Variants in MDGA2 observed in about 807,000 individuals in gnomAD.
MDGA2 encodes MAM domain-containing glycosylphosphatidylinositol anchor protein 2.
MDGA2 carries 40 observed loss-of-function variants against 117.8 expected under a neutral mutation model. The observed-to-expected ratio is 0.34, with a 90% CI of 0.26 to 0.44. The LOEUF is 0.44. MDGA2 is among the 20% of genes least tolerant of loss of function. The probability of loss-of-function intolerance (pLI) is 1.00; values close to 1 mark genes in which losing one functional copy is unlikely to be tolerated. For synonymous variants in MDGA2, 452 were observed against 439.0 expected (o/e 1.03, Z -0.37); for missense variants, 1,123 against 1,250.6 (o/e 0.90, Z 1.54).
chr14:47,054,295 T>C (rs1378009770), intron 7 of MDGA2, among the ~76,000 whole-genome samples: 4 of 151,960 alleles, frequency 2.6e-5, no homozygotes, highest in Non-Finnish European at 5.9e-5. Flanking sequence ...ACTTCTCAGA[T>C]GTTGTTCCTG....
At chr14:47,262,799 A>T (rs1431459835) in intron 2 of MDGA2, among the ~76,000 whole-genome samples, 1 of 152,210 alleles carries the variant, frequency 6.6e-6, no homozygotes, top group African/African-American at 2.4e-5. Context: ...TTGAAAGCTT[A>T]ATATCATTAT....
intron 6 of MDGA2, among the ~76,000 whole-genome samples, chr14:47,070,281 G>A (rs1307056661): frequency 6.6e-6 from 1 of 151,834 alleles, no homozygotes; most frequent in Admixed American, 6.6e-5. Flanking sequence ...TTTACTATAG[G>A]CCCCTGGTCC....
At chr14:47,211,623 C>T (rs1885887377) in intron 3 of MDGA2, among the ~76,000 whole-genome samples, 1 of 152,074 alleles carries the variant, frequency 6.6e-6, no homozygotes, top group Admixed American at 6.6e-5. Flanking sequence ...ACAAATCTGC[C>T]CTCTTCCCTA....
At chr14:47,356,924 C>T (rs1891007167) in intron 1 of MDGA2, among the ~76,000 whole-genome samples, 1 of 152,128 alleles carries the variant, frequency 6.6e-6, no homozygotes, top group African/African-American at 2.4e-5. Context: ...TAAACAACCC[C>T]CTGCATATTG....
chr14:47,561,188 T>TTTTTTTTTTTTTTTTA (rs1895808746), intron 1 of MDGA2, among the ~76,000 whole-genome samples: 1 of 142,576 alleles, frequency 7.0e-6, no homozygotes, highest in Non-Finnish European at 1.5e-5. Flanking sequence ...TGTTTTTTTT[T>TTTTTTTTTTTTTTTTA]GCTTAGGATT....
intron 1 of MDGA2, among the ~76,000 whole-genome samples, chr14:47,432,226 G>T (rs1892813690): frequency 6.6e-6 from 1 of 151,824 alleles, no homozygotes; most frequent in African/African-American, 2.4e-5. Context: ...AAAAATCTAT[G>T]GCACAAGATA....
chr14:47,556,859 TTTGA>T (rs1895693534), intron 1 of MDGA2, among the ~76,000 whole-genome samples: 1 of 152,228 alleles, frequency 6.6e-6, no homozygotes, highest in Non-Finnish European at 1.5e-5. Context: ...TTATGTGGTG[TTTGA>T]TTATTTGCTA....
chr14:47,330,090 C>T (rs868555960), intron 1 of MDGA2, among the ~76,000 whole-genome samples: 1 of 151,658 alleles, frequency 6.6e-6, no homozygotes, highest in African/African-American at 2.4e-5. Context: ...GGAAGAACTG[C>T]AAAATCACTT....
chr14:47,193,908 T>C (rs1334631477), intron 3 of MDGA2, among the ~76,000 whole-genome samples: 1 of 152,178 alleles, frequency 6.6e-6, no homozygotes, highest in African/African-American at 2.4e-5. Flanking sequence ...TCAATTACTT[T>C]AGTCGTATGG....
At chr14:46,906,853 A>AT (rs1883513259) in intron 10 of MDGA2, among the ~76,000 whole-genome samples, 1 of 152,130 alleles carries the variant, frequency 6.6e-6, no homozygotes, top group Non-Finnish European at 1.5e-5. Context: ...ACCCGGACAA[A>AT]ATGTGCCATT....
At chr14:47,292,900 T>C (rs915670792) in intron 2 of MDGA2, among the ~76,000 whole-genome samples, 11 of 152,202 alleles carry the variant, frequency 7.2e-5, no homozygotes, top group African/African-American at 2.7e-4. Context: ...TAAACCCTTG[T>C]TGATAAACGA....
chr14:47,615,661 C>A (rs545392014), intron 1 of MDGA2, among the ~76,000 whole-genome samples: 1 of 152,270 alleles, frequency 6.6e-6, no homozygotes, highest in East Asian at 1.9e-4. Flanking sequence ...GACACAGTCC[C>A]CCAGATATTC....
At chr14:46,910,864 G>T in intron 10 of MDGA2, among the ~76,000 whole-genome samples, 1 of 152,128 alleles carries the variant, frequency 6.6e-6, no homozygotes, top group African/African-American at 2.4e-5. Context: ...GGAGCTGGAG[G>T]CTATTGTCCT....
intron 1 of MDGA2, among the ~76,000 whole-genome samples, chr14:47,458,340 C>CA (rs1893407132): frequency 6.6e-6 from 1 of 151,996 alleles, no homozygotes; most frequent in East Asian, 1.9e-4. Flanking sequence ...CCATCATATG[C>CA]AAAAAATCAT....
chr14:47,222,862 C>T (rs1886350472), intron 2 of MDGA2, among the ~76,000 whole-genome samples: 1 of 152,036 alleles, frequency 6.6e-6, no homozygotes, highest in African/African-American at 2.4e-5. Context: ...GCTAAGTATC[C>T]AGAAGCCGAT....
At chr14:47,338,262 T>A (rs1012707804) in intron 1 of MDGA2, among the ~76,000 whole-genome samples, 7 of 151,942 alleles carry the variant, frequency 4.6e-5, no homozygotes, top group Non-Finnish European at 7.4e-5. Context: ...AGCTTGTGCA[T>A]GTTTATGGAA....
chr14:47,578,366 T>C (rs772865852), intron 1 of MDGA2, among the ~76,000 whole-genome samples: 5 of 152,006 alleles, frequency 3.3e-5, no homozygotes, highest in Non-Finnish European at 5.9e-5. Flanking sequence ...CATATACCTA[T>C]GTAACAAACC....
intron 5 of MDGA2, among the ~76,000 whole-genome samples, chr14:47,101,265 G>T (rs1485071820): frequency 6.6e-6 from 1 of 152,090 alleles, no homozygotes; most frequent in Non-Finnish European, 1.5e-5. Context: ...CCAAAATCAT[G>T]AACTCTCAAT....
intron 8 of MDGA2, among the ~76,000 whole-genome samples, chr14:47,026,532 T>C (rs1276521487): frequency 2.7e-5 from 4 of 150,168 alleles, no homozygotes; most frequent in Non-Finnish European, 5.9e-5. Context: ...TAAAATAAAT[T>C]GATAATATCA....
Sources: allele counts gnomAD v4.1 joint callset (sites outside exome capture counted in the v4.1 genomes callset), GRCh38; gene constraint gnomAD v4.1.1; transcripts MANE v1.5; gene names NCBI Gene and HGNC (gene_info 2026-07-23, HGNC 2026-07-21).